FHIT: variants seen among roughly 807,000 people sequenced by gnomAD.
FHIT encodes fragile histidine triad diadenosine triphosphatase, also known as bis(5'-adenosyl)-triphosphatase.
A neutral mutation model predicts 17.9 loss-of-function variants in FHIT; 19 were observed. The observed-to-expected ratio is 1.06, with a 90% confidence interval of 0.74 to 1.56. The LOEUF (loss-of-function observed/expected upper bound fraction) is 1.56, where lower values mean the gene tolerates loss of function less well. FHIT is among the 40% of genes most tolerant of loss of function. FHIT has a pLI of 0.00. For synonymous variants in FHIT, 81 were observed against 69.7 expected, an observed-to-expected ratio of 1.16 and a Z score of -0.81; for missense variants, 248 against 189.2, an observed-to-expected ratio of 1.31 and a Z score of -1.82.
At chr3:61,009,333 C>A (rs377136199) in intron 3 of FHIT, among the ~76,000 whole-genome samples, 1 of 152,132 alleles carries the variant, frequency 6.6e-6, no homozygotes, top group East Asian at 1.9e-4. Context: ...TCCTTAGTTC[C>A]TGTTTTTGTG....
chr3:60,166,365 A>C (rs1164350644), intron 5 of FHIT, among the ~76,000 whole-genome samples: 1 of 152,210 alleles, frequency 6.6e-6, no homozygotes, highest in Non-Finnish European at 1.5e-5. Context: ...TAAACACTAC[A>C]AGAACTGAAT....
chr3:60,183,729 G>T (rs1702041711), intron 5 of FHIT, among the ~76,000 whole-genome samples: 1 of 152,066 alleles, frequency 6.6e-6, no homozygotes, highest in Non-Finnish European at 1.5e-5. Context: ...AAGACCAACT[G>T]TGTCCAATCT....
intron 5 of FHIT, among the ~76,000 whole-genome samples, chr3:60,347,755 C>T (rs538563111): frequency 1.3e-5 from 2 of 150,470 alleles, no homozygotes; most frequent in African/African-American, 4.9e-5. Flanking sequence ...CCCAAGCATG[C>T]CTATCTTTTC....
intron 5 of FHIT, among the ~76,000 whole-genome samples, chr3:60,118,103 T>G (rs1705062322): frequency 6.6e-6 from 1 of 152,260 alleles, no homozygotes; most frequent in African/African-American, 2.4e-5. Context: ...TGTTATAATG[T>G]ATTTTGATAT....
At chr3:60,660,471 A>G (rs1428892850) in intron 4 of FHIT, among the ~76,000 whole-genome samples, 1 of 152,148 alleles carries the variant, frequency 6.6e-6, no homozygotes, top group Non-Finnish European at 1.5e-5. Context: ...TTACTGCCCA[A>G]GCCTTCTCTT....
At chr3:60,707,594 C>T (rs549616803) in intron 4 of FHIT, among the ~76,000 whole-genome samples, 1 of 152,140 alleles carries the variant, frequency 6.6e-6, no homozygotes, top group Non-Finnish European at 1.5e-5. Flanking sequence ...TCAATGCAGC[C>T]AAAAGTTCTG....
Position 60,971,070 on chromosome 3 carries a change from A to T in FHIT, c.-111+70977T>A, listed in dbSNP as rs572191295. Among the ~76,000 whole-genome samples, 4 of 152,330 alleles carry T rather than the reference A, an allele frequency of 2.6e-5. No individual in the cohort carries two copies. The South Asian group carries it at 8.3e-4, about 32-fold the overall frequency. On this transcript the variant is annotated intron_variant, in intron 3 of 9. Transcript: ENST00000492590. ...TATGATGTCATTATCACACATACGA[A>T]AAAATAATGATAATGGGCCAGGCGC...
chr3:60,513,715 C>T (rs1158182100), intron 5 of FHIT, among the ~76,000 whole-genome samples: 1 of 151,956 alleles, frequency 6.6e-6, no homozygotes, highest in Non-Finnish European at 1.5e-5. Context: ...GGACAGGAAG[C>T]AGGAGGGAAG....
chr3:59,831,750 G>C (rs1363328433), intron 8 of FHIT, among the ~76,000 whole-genome samples: 1 of 152,028 alleles, frequency 6.6e-6, no homozygotes, highest in Non-Finnish European at 1.5e-5. Context: ...GTTCTGCTTG[G>C]AAATAACCTG....
intron 5 of FHIT, among the ~76,000 whole-genome samples, chr3:60,163,335 C>T (rs907753132): frequency 3.3e-5 from 5 of 152,078 alleles, no homozygotes; most frequent in South Asian, 2.1e-4. Context: ...TTTACCCACA[C>T]GCGTGTTCTT....
chr3:60,784,153 T>G (rs1575520170), intron 4 of FHIT, among the ~76,000 whole-genome samples: 1 of 152,054 alleles, frequency 6.6e-6, no homozygotes, highest in Non-Finnish European at 1.5e-5. Flanking sequence ...AATATAGACC[T>G]GCCAATAGGC....
chr3:61,045,797 C>T lies in FHIT; in HGVS notation c.-163-3698G>A, dbSNP rs145309738. Among the ~76,000 whole-genome samples, 810 of 152,292 alleles carry T rather than the reference C, an allele frequency of 5.3e-3. 7 individuals carry two copies. Among genetic ancestry groups the T allele is most frequent in the African/African-American group, 0.019 (777 of 41,556 alleles). On this transcript the variant is annotated intron_variant, in intron 2 of 9. Coordinates refer to ENST00000492590, the MANE Select transcript of FHIT (RefSeq NM_002012.4). ...AAATTATAACAAACTGTCTCTCAGA[C>T]CACAGTGCAAGCAAACTAGAAATCA...
In FHIT at chr3:60,143,255, G is replaced by T. The variant is rs1030225316; in HGVS notation, c.104-129103C>A. The stretch of plus-strand genomic sequence containing the variant: ...CTCCTTGTATCCACACCTGTATATG[G>T]CCTCTGGGGCCACACGTATTTCCCC... On this transcript the variant is annotated intron_variant, in intron 5 of 9. Transcript: ENST00000492590. 2.6e-5 allele frequency among the ~76,000 whole-genome samples: 4 copies of T among 152,106 alleles called. No individual in the cohort carries two copies. The East Asian group carries it at 7.7e-4, about 29-fold the overall frequency.
chr3:60,984,216 T>G (rs1223906982), intron 3 of FHIT, among the ~76,000 whole-genome samples: 1 of 152,198 alleles, frequency 6.6e-6, no homozygotes, highest in Non-Finnish European at 1.5e-5. Context: ...GGGTTTCATA[T>G]CCCAAAATGA....
intron 8 of FHIT, among the ~76,000 whole-genome samples, chr3:59,756,918 A>G (rs1224971199): frequency 2.0e-5 from 3 of 152,184 alleles, no homozygotes; most frequent in Non-Finnish European, 2.9e-5. Context: ...AAATCAAAAC[A>G]TGTCCTATAA....
intron 2 of FHIT, among the ~76,000 whole-genome samples, chr3:61,124,894 A>G (rs1227493944): frequency 6.6e-6 from 1 of 152,138 alleles, no homozygotes; most frequent in African/African-American, 2.4e-5. Context: ...CCAGCTCCCA[A>G]CATGTCCCCA....
intron 3 of FHIT, among the ~76,000 whole-genome samples, chr3:61,012,516 G>T (rs2031851289): frequency 6.6e-6 from 1 of 152,114 alleles, no homozygotes; most frequent in Admixed American, 6.5e-5. Context: ...ATGTGAGAAA[G>T]ATTTCTCAAT....
intron 3 of FHIT, among the ~76,000 whole-genome samples, chr3:60,988,900 C>T (rs2029896887): frequency 1.1e-5 from 1 of 87,286 alleles, no homozygotes; most frequent in Non-Finnish European, 2.0e-5. Flanking sequence ...CTAAACGATA[C>T]TTGTTAAAAG....
At chr3:60,566,410 G>A (rs984436540) in intron 4 of FHIT, among the ~76,000 whole-genome samples, 3 of 152,040 alleles carry the variant, frequency 2.0e-5, no homozygotes, top group Admixed American at 6.6e-5. Flanking sequence ...ATTCAACAAC[G>A]CTTCATGCTA....
Sources: gnomAD v4.1 joint callset for allele counts (sites outside exome capture counted in the v4.1 genomes callset) on GRCh38, gnomAD v4.1.1 for gene constraint, MANE v1.5 for transcripts, NCBI Gene and HGNC (gene_info 2026-07-23, HGNC 2026-07-21) for gene names.